SDHAF4: variants seen among roughly 807,000 people sequenced by gnomAD.
SDHAF4 encodes succinate dehydrogenase complex assembly factor 4, also known as succinate dehydrogenase assembly factor 4, mitochondrial.
SDHAF4 carries 14 observed loss-of-function variants against 14.3 expected under a neutral mutation model. The ratio of observed to expected loss-of-function variants is 0.98; its 90% confidence interval spans 0.65 to 1.53. The LOEUF (loss-of-function observed/expected upper bound fraction) is 1.53. Ranked by LOEUF, SDHAF4 falls within the 40% of genes most tolerant of loss-of-function variation. SDHAF4 has a pLI of 0.00. For synonymous variants in SDHAF4, 63 were observed against 47.3 expected, an observed-to-expected ratio of 1.33 and a Z score of -1.36; for missense variants, 141 against 129.3, an observed-to-expected ratio of 1.09 and a Z score of -0.44.
chr6:70,576,950 G>A (rs1466434996), intron 1 of SDHAF4, among the ~76,000 whole-genome samples: 1 of 152,188 alleles, frequency 6.6e-6, no homozygotes, highest in Non-Finnish European at 1.5e-5. Flanking sequence ...TTGGAGGTCA[G>A]GAGTCTGGAA....
chr6:70,596,028 A>C, the SDHAF4 span, among the ~76,000 whole-genome samples: 1 of 152,242 alleles, frequency 6.6e-6, no homozygotes, highest in Non-Finnish European at 1.5e-5. Context: ...CTCTGTTAGT[A>C]GTAACATGTT....
At chr6:70,579,748 A>G (rs1802298000) in intron 2 of SDHAF4, among the ~76,000 whole-genome samples, 182 bp downstream of exon 2, 1 of 152,216 alleles carries the variant, frequency 6.6e-6, no homozygotes, top group East Asian at 1.9e-4. Context: ...TTAATAAAAA[A>G]GATTTTCAAG....
chr6:70,570,090 A>G (rs1290168435), intron 1 of SDHAF4, among the ~76,000 whole-genome samples: 1 of 152,090 alleles, frequency 6.6e-6, no homozygotes, highest in African/African-American at 2.4e-5. Context: ...TCTCAGTCCC[A>G]TTGACCTATT....
chr6:70,582,826 C>G lies in SDHAF4; in HGVS notation c.217+3260C>G, dbSNP rs1167540117. On this transcript the variant is annotated intron_variant, in intron 2 of 2. Coordinates refer to ENST00000370474, the MANE Select transcript of SDHAF4 (RefSeq NM_145267.3). The stretch of plus-strand genomic sequence containing the variant: ...CACCTAACAAGCCTCTCTGCTTCCT[C>G]GTTTCCTTCCTTCTAGTCTTGTCTC... Among the ~76,000 whole-genome samples the G allele has an allele frequency of 2.6e-5, 4 of 152,182 alleles. No individual in the cohort carries two copies. In the South Asian group the frequency reaches 8.3e-4, roughly 32 times the overall value.
intron 2 of SDHAF4, among the ~76,000 whole-genome samples, chr6:70,588,286 C>T (rs1326535036): frequency 6.6e-6 from 1 of 152,080 alleles, no homozygotes; most frequent in South Asian, 2.1e-4. Flanking sequence ...TTTGGGAGGC[C>T]GAGGCAGGCA....
chr6:70,569,803 A>G (rs879448909), intron 1 of SDHAF4, among the ~76,000 whole-genome samples: 1 of 152,166 alleles, frequency 6.6e-6, no homozygotes, highest in South Asian at 2.1e-4. Context: ...GGTCTTGTCT[A>G]AGAAACCCTT....
At chr6:70,595,211 G>A in the SDHAF4 span, among the ~76,000 whole-genome samples, 1 of 152,154 alleles carries the variant, frequency 6.6e-6, no homozygotes, top group Non-Finnish European at 1.5e-5. Context: ...ACTCTCAGAG[G>A]TTGGGCCTTC....
intron 1 of SDHAF4, among the ~76,000 whole-genome samples, chr6:70,577,625 T>A (rs553528346): frequency 2.0e-5 from 3 of 152,318 alleles, no homozygotes; most frequent in African/African-American, 7.2e-5. Context: ...ATATGTGTGA[T>A]GCTGAGATTT....
chr6:70,594,589 C>T, the SDHAF4 span, among the ~76,000 whole-genome samples: 1 of 152,106 alleles, frequency 6.6e-6, no homozygotes, highest in South Asian at 2.1e-4. Flanking sequence ...TGAACTTGGA[C>T]TTCCCAGCCT....
At chr6:70,587,106 G>A (rs1214408748) in intron 2 of SDHAF4, among the ~76,000 whole-genome samples, 1 of 151,666 alleles carries the variant, frequency 6.6e-6, no homozygotes, top group East Asian at 1.9e-4. Flanking sequence ...TGGAGGCGGA[G>A]GTTGCAGTGA....
At chr6:70,575,354 G>A (rs1408505462) in intron 1 of SDHAF4, among the ~76,000 whole-genome samples, 1 of 151,806 alleles carries the variant, frequency 6.6e-6, no homozygotes, top group Admixed American at 6.6e-5. Flanking sequence ...CTCCAGCCTG[G>A]GGGACAGAGT....
At chr6:70,590,305 A>G (rs1379089808), downstream of SDHAF4, among the ~76,000 whole-genome samples, 1 of 152,180 alleles carries the variant, frequency 6.6e-6, no homozygotes, top group African/African-American at 2.4e-5. Context: ...GGGCATACTC[A>G]AGAGAGAGTG....
chr6:70,576,551 C>G (rs539086704), intron 1 of SDHAF4, among the ~76,000 whole-genome samples: 3 of 152,184 alleles, frequency 2.0e-5, no homozygotes, highest in Non-Finnish European at 4.4e-5. Context: ...TGTACACATA[C>G]ACAGATATAC....
chr6:70,577,253 G>A (rs561844525), intron 1 of SDHAF4, among the ~76,000 whole-genome samples: 27 of 152,206 alleles, frequency 1.8e-4, no homozygotes, highest in Non-Finnish European at 2.9e-4. Context: ...ATTCTTCACC[G>A]TGTAACCAAA....
At chr6:70,567,940 C>T (rs1220661335) in intron 1 of SDHAF4, among the ~76,000 whole-genome samples, 5 of 152,212 alleles carry the variant, frequency 3.3e-5, no homozygotes, top group East Asian at 1.9e-4. Flanking sequence ...TCGCCTCGGC[C>T]TCCCAAAGTG....
At chr6:70,587,607 G>A (rs894540576) in intron 2 of SDHAF4, among the ~76,000 whole-genome samples, 2 of 152,210 alleles carry the variant, frequency 1.3e-5, no homozygotes, top group African/African-American at 4.8e-5. Flanking sequence ...CTGCAGCCAG[G>A]ATGTCTGAAT....
At chr6:70,593,381 G>C (rs1357521872), downstream of SDHAF4, among the ~76,000 whole-genome samples, 4 of 152,244 alleles carry the variant, frequency 2.6e-5, no homozygotes. Context: ...CCCTCTGCTA[G>C]GGCAATGCTG....
intron 1 of SDHAF4, among the ~76,000 whole-genome samples, chr6:70,567,817 C>G (rs1456205075): frequency 6.6e-6 from 1 of 152,110 alleles, no homozygotes; most frequent in Non-Finnish European, 1.5e-5. Flanking sequence ...TCCTGAGTAG[C>G]TGGGACTACA....
downstream of SDHAF4, among the ~76,000 whole-genome samples, chr6:70,591,090 ACAGT>A (rs1765254323): frequency 6.6e-6 from 1 of 152,174 alleles, no homozygotes; most frequent in Non-Finnish European, 1.5e-5. Flanking sequence ...ATTGGGAAGG[ACAGT>A]CTACTGAGTT....
Sources: allele counts gnomAD v4.1 joint callset (sites outside exome capture counted in the v4.1 genomes callset), GRCh38; gene constraint gnomAD v4.1.1; transcripts MANE v1.5; gene names NCBI Gene and HGNC (gene_info 2026-07-23, HGNC 2026-07-21).